ITPR1: variants seen among roughly 807,000 people sequenced by gnomAD.
ITPR1 encodes the protein inositol 1,4,5-trisphosphate receptor type 1, also known as inositol 1,4,5-trisphosphate-gated calcium channel ITPR1.
Under a neutral mutation model 318.4 loss-of-function variants are expected in ITPR1, and 96 were observed. The ratio of observed to expected loss-of-function variants is 0.30; its 90% confidence interval spans 0.26 to 0.36. The LOEUF (loss-of-function observed/expected upper bound fraction) is 0.36, where lower values mean the gene tolerates loss of function less well. Ranked by LOEUF, ITPR1 falls within the 10% of genes least tolerant of loss-of-function variation. The pLI, the probability that ITPR1 is intolerant of heterozygous loss-of-function variation, is 1.00. For missense variants in ITPR1, 2,440 were observed against 3,460.2 expected (o/e 0.71, Z 7.40); for synonymous variants, 1,312 against 1,289.9 (o/e 1.02, Z -0.37).
intron 44 of ITPR1, chr3:4,750,530 G>A (rs558814814): frequency 1.3e-5 from 2 of 152,220 alleles, no homozygotes; most frequent in African/African-American, 4.8e-5. Context: ...CGCTGAGAAG[G>A]GATTTAATGA....
intron 37 of ITPR1, 144 bp downstream of exon 37, chr3:4,706,495 A>C (rs1163570749): frequency 3.0e-6 from 2 of 674,976 alleles, no homozygotes; most frequent in Non-Finnish European, 4.7e-6. Flanking sequence ...AATGTTATAT[A>C]TGTAGGGCCA....
chr3:4,781,430 G>C (rs915346678), intron 49 of ITPR1, among the ~76,000 whole-genome samples: 1 of 152,150 alleles, frequency 6.6e-6, no homozygotes, highest in African/African-American at 2.4e-5. Flanking sequence ...GAGGGTCTTA[G>C]GGGAAGGATT....
chr3:4,737,625 C>T (rs1003125007), intron 44 of ITPR1, among the ~76,000 whole-genome samples: 10 of 152,208 alleles, frequency 6.6e-5, no homozygotes, highest in Middle Eastern at 3.4e-3. Context: ...GGAGCTGTAA[C>T]GGAGGACTAT....
chr3:4,539,185 C>T (rs140183683), intron 4 of ITPR1, among the ~76,000 whole-genome samples: 376 of 152,162 alleles, frequency 2.5e-3, no homozygotes, highest in African/African-American at 8.7e-3. Flanking sequence ...TTTATACCTA[C>T]GAGTTATTTA....
intron 44 of ITPR1, among the ~76,000 whole-genome samples, chr3:4,761,803 C>T (rs1001045499): frequency 6.6e-6 from 1 of 152,192 alleles, no homozygotes; most frequent in Non-Finnish European, 1.5e-5. Context: ...CAGCTCCCAC[C>T]AGCCATAGGG....
Position 4,567,842 on chromosome 3 carries a change from G to A in ITPR1, c.163+46748G>A, listed in dbSNP as rs111583385. 7.9e-3 allele frequency among the ~76,000 whole-genome samples: 1,203 copies of A among 152,250 alleles called. 3 individuals are homozygous for A. The highest frequency in any genetic ancestry group is 0.013 in the Non-Finnish European group (876 of 68,030). On this transcript the variant is annotated intron_variant, in intron 4 of 61. Coordinates refer to ENST00000649015, the MANE Select transcript of ITPR1 (RefSeq NM_001378452.1). Reference sequence around the variant, plus strand: ...TAGTCGTGAATTCCTGAGCTCAAGCGATCCACCTGCCCTGGACTTCCACAG... The same window carrying A: ...TAGTCGTGAATTCCTGAGCTCAAGCAATCCACCTGCCCTGGACTTCCACAG...
At chr3:4,730,417 G>GTT (rs1238067045) in intron 42 of ITPR1, among the ~76,000 whole-genome samples, 11 of 65,476 alleles carry the variant, frequency 1.7e-4, no homozygotes, top group Admixed American at 3.2e-4. Context: ...GTGTGTGTGT[G>GTT]TGTTTCCCCC....
intron 53 of ITPR1, among the ~76,000 whole-genome samples, chr3:4,796,989 G>A (rs1271643446): frequency 1.3e-5 from 2 of 152,028 alleles, no homozygotes; most frequent in African/African-American, 2.4e-5. Context: ...TATGACTATC[G>A]AGGGTCCTTC....
At chr3:4,574,238 T>A (rs2088370006) in intron 4 of ITPR1, among the ~76,000 whole-genome samples, 1 of 152,056 alleles carries the variant, frequency 6.6e-6, no homozygotes, top group African/African-American at 2.4e-5. Flanking sequence ...AAAAAAAAAT[T>A]CAGGGATTGA....
intron 54 of ITPR1, among the ~76,000 whole-genome samples, chr3:4,801,920 CAATA>C (rs2048259313): frequency 6.6e-6 from 1 of 152,142 alleles, no homozygotes; most frequent in Admixed American, 6.5e-5. Flanking sequence ...TATCAACAGA[CAATA>C]AATAAAGAGT....
chr3:4,815,058 C>A lies in ITPR1; in HGVS notation c.7707C>A (p.Pro2569=), dbSNP rs1371333593. The change falls in exon 59 of 62, where the codon CCC becomes CCA. Residue 2569 remains proline (P), a synonymous_variant. Coordinates refer to ENST00000649015, the MANE Select transcript of ITPR1 (RefSeq NM_001378452.1). ...CAGACACCTCTCTTTTCCAGGAACC[C>A]CTGTTTGCTGCTAGAGTTATTTATG... The part of the protein sequence containing the change: ...DVLRKPSKEE[P]LFAARVIYDL... The A allele has an allele frequency of 6.2e-7, 1 of 1,609,600 alleles. No homozygotes were observed. The highest frequency in any genetic ancestry group is 8.5e-7 in the Non-Finnish European group (1 of 1,177,114).
At chr3:4,679,880 C>G (rs3804986) in intron 24 of ITPR1, among the ~76,000 whole-genome samples, 204 of 151,986 alleles carry the variant, frequency 1.3e-3, no homozygotes, top group African/African-American at 4.8e-3. Flanking sequence ...GTGATGGCCA[C>G]TGGACTGGGA....
intron 39 of ITPR1, among the ~76,000 whole-genome samples, chr3:4,712,292 C>T (rs11714801): frequency 1.3e-3 from 196 of 152,238 alleles, no homozygotes; most frequent in Non-Finnish European, 2.3e-3. Context: ...CAAGAAACGC[C>T]CTCCACTTCT....
intron 44 of ITPR1, among the ~76,000 whole-genome samples, chr3:4,763,793 C>A (rs924632376): frequency 1.3e-5 from 2 of 152,260 alleles, no homozygotes; most frequent in Admixed American, 6.5e-5. Context: ...CTGACCCTAG[C>A]GGTTGACAGC....
intron 47 of ITPR1, among the ~76,000 whole-genome samples, chr3:4,776,957 T>C (rs997353204): frequency 6.6e-6 from 1 of 152,230 alleles, no homozygotes; most frequent in African/African-American, 2.4e-5. Flanking sequence ...GAACCCAGAA[T>C]CAGTCATACA....
intron 59 of ITPR1, among the ~76,000 whole-genome samples, chr3:4,815,882 G>A (rs1306726722): frequency 6.6e-6 from 1 of 151,404 alleles, no homozygotes; most frequent in African/African-American, 2.4e-5. Context: ...TTTTTGCTTT[G>A]GCATAATTTC....
Position 4,667,454 on chromosome 3 carries a change from C to T in ITPR1, c.1791C>T (p.Ala597=), listed in dbSNP as rs577497096. ...YDVLAEDTIT[A]LLHNNRKLLE... Reference sequence around the variant, plus strand: ...TGTTGGCTGAAGACACTATCACTGCCCTGCTCCACAATAATCGGAAACTCC... The same window carrying T: ...TGTTGGCTGAAGACACTATCACTGCTCTGCTCCACAATAATCGGAAACTCC... The change falls in exon 18 of 62, where the codon GCC becomes GCT. Residue 597 remains alanine, a synonymous_variant. Coordinates refer to ENST00000649015, the MANE Select transcript of ITPR1 (RefSeq NM_001378452.1). 1.4e-5 allele frequency: 23 copies of T among 1,613,694 alleles called. No individual in the cohort carries two copies. In the East Asian group the frequency reaches 5.1e-4, roughly 36 times the overall value.
chr3:4,814,894 CAG>C (rs763897139), intron 58 of ITPR1, 157 bp from the exon 59 acceptor site: 13 of 682,478 alleles, frequency 1.9e-5, no homozygotes, highest in Non-Finnish European at 2.8e-5. Flanking sequence ...GCAATTGAGA[CAG>C]GGGACATGAA....
chr3:4,810,041 T>C (rs1223447306), intron 55 of ITPR1, among the ~76,000 whole-genome samples: 2 of 152,182 alleles, frequency 1.3e-5, no homozygotes, highest in Admixed American at 6.5e-5. Context: ...TGACCTCAGA[T>C]GAAAAATTCT....
Sources: allele counts gnomAD v4.1 joint callset (sites outside exome capture counted in the v4.1 genomes callset), GRCh38; gene constraint gnomAD v4.1.1; transcripts MANE v1.5; gene names NCBI Gene and HGNC (gene_info 2026-07-23, HGNC 2026-07-21).